The following PML variants were observed in gnomAD, a reference collection of about 807,000 sequenced individuals.
PML encodes the protein PML nuclear body scaffold.
In PML, 28 loss-of-function variants were observed where a neutral mutation model predicts 65.2. The observed-to-expected ratio is 0.43, with a 90% confidence interval of 0.32 to 0.59. The LOEUF is 0.59. PML is among the 20% of genes least tolerant of loss of function. The probability of loss-of-function intolerance (pLI) is 0.08; values close to 1 mark genes in which losing one functional copy is unlikely to be tolerated. For missense variants in PML, 1,021 were observed against 1,203.4 expected, an observed-to-expected ratio of 0.85 and a Z score of 2.24; for synonymous variants, 500 against 508.8, an observed-to-expected ratio of 0.98 and a Z score of 0.23.
At chr15:74,022,765 C>G (rs189842790) in intron 2 of PML, 63 bp from the exon 3 acceptor site, 1 of 1,302,322 alleles carries the variant, frequency 7.7e-7, no homozygotes, top group Non-Finnish European at 1.1e-6. Context: ...AATTTAATAA[C>G]GAACGTTTTA....
chr15:74,032,496 C>T lies in PML; in HGVS notation c.1255-76C>T, dbSNP rs1567135220. ...ACTTGGTGAGGCCCCAGGGATTAGGCCAACCACAGGTCTGGGGTACCTGGC... is the reference window on the plus strand; with the variant it reads ...ACTTGGTGAGGCCCCAGGGATTAGGTCAACCACAGGTCTGGGGTACCTGGC... On this transcript the variant is annotated intron_variant, in intron 4 of 8. Transcript: ENST00000268058. 3.2e-6 allele frequency: 5 copies of T among 1,543,398 alleles called. No individual in the cohort carries two copies. In the East Asian group the frequency reaches 1.1e-4, roughly 35 times the overall value.
intron 4 of PML, among the ~76,000 whole-genome samples, chr15:74,029,139 C>T (rs982558810): frequency 1.2e-4 from 19 of 152,072 alleles, no homozygotes; most frequent in Admixed American, 5.9e-4. Flanking sequence ...GTAAAAGTTT[C>T]GACTTCTCTA....
chr15:74,017,853 CA>C lies in PML; in HGVS notation c.603-4974del, dbSNP rs376334324. Among the ~76,000 whole-genome samples the C allele has an allele frequency of 4.7e-4, 72 of 152,210 alleles. 1 individual carries two copies. The highest frequency in any genetic ancestry group is 1.8e-3 in the Admixed American group (28 of 15,292). On this transcript the variant is annotated intron_variant, in intron 2 of 8. Transcript: ENST00000268058. ...CACTGATTCCTCAAACATTTCTTAG[CA>C]GCTGGTCATAGTGGCTTAGGCCTGA... is the stretch of plus-strand genomic sequence containing the variant.
chr15:74,032,484 C>T, intron 4 of PML, 88 bp from the exon 5 acceptor site: 4 of 1,458,992 alleles, frequency 2.7e-6, no homozygotes, highest in Admixed American at 3.4e-5. Context: ...TGGTGAGGCC[C>T]CAGGGATTAG....
At position 74,043,281 on chromosome 15, in the gene PML, C is replaced by T. The variant is rs544478159; in HGVS notation, c.1861+142C>T. ...TGCAGCCAGGCTGGGCAGAGCACTC[C>T]GGCTCACCTGGGCTCCTGGCGTGTC... On this transcript the variant is annotated intron_variant, in intron 8 of 8. Coordinates refer to ENST00000268058, the MANE Select transcript of PML (RefSeq NM_033238.3). The surrounding 1 kb of genome is among the most constrained non-coding windows in gnomAD (Gnocchi z 4.3). 2,495 of 1,546,360 alleles carry T rather than the reference C, an allele frequency of 1.6e-3. 4 individuals carry two copies. Among genetic ancestry groups the T allele is most frequent in the Non-Finnish European group, 2.0e-3 (2,256 of 1,150,162 alleles).
At chr15:74,015,695 C>T (rs1414226970) in intron 2 of PML, among the ~76,000 whole-genome samples, 2 of 152,238 alleles carry the variant, frequency 1.3e-5, no homozygotes, top group Admixed American at 6.5e-5. Context: ...GTAATACCCC[C>T]TCTTCTTTCA....
intron 2 of PML, among the ~76,000 whole-genome samples, chr15:74,022,155 C>G (rs1169763930): frequency 6.6e-6 from 1 of 152,190 alleles, no homozygotes; most frequent in Non-Finnish European, 1.5e-5. Flanking sequence ...CGGGGTTTCT[C>G]CATGTTGGTC....
rs866545458 is a variant in PML at position 74,037,600 on chromosome 15, G to A, written c.1710+3070G>A. 4.1e-6 allele frequency: 4 copies of A among 985,046 alleles called. No individual in the cohort carries two copies. The highest frequency in any genetic ancestry group is 6.2e-5 in the Admixed American group (1 of 16,238). 61.0% of individuals were successfully genotyped at this position (985,046 alleles called of 1,614,324 possible). A position where few individuals can be genotyped will look rare whatever the true frequency, so the allele number is the denominator to read the frequency against. ...GCCCCTTCTTCACCCCACCTCCTGCGCTTCCCCGCCAGTACCAGGGTGGCC... is the reference window on the plus strand; with the variant it reads ...GCCCCTTCTTCACCCCACCTCCTGCACTTCCCCGCCAGTACCAGGGTGGCC... On this transcript the variant is annotated intron_variant, in intron 7 of 8. Transcript: ENST00000268058. The surrounding 1 kb of genome is among the most constrained non-coding windows in gnomAD (Gnocchi z 4.2).
At position 74,035,480 on chromosome 15, in the gene PML, CTTGCACCCTCAA is replaced by C. The variant is rs771223791; in HGVS notation, c.1710+956_1710+967del. On this transcript the variant is annotated intron_variant, in intron 7 of 8. Transcript: ENST00000268058. This position sits in a 1 kb window ranked among gnomAD's most constrained non-coding sequence, Gnocchi z 4.1. ...CCATCCGCCTTCGCCATGCCCTCCG[CTTGCACCCTCAA>C]TTGCATCGGGCCCCTATTCGGACTT... 6 of 1,612,570 alleles carry C rather than the reference CTTGCACCCTCAA, an allele frequency of 3.7e-6. No homozygotes were observed. The South Asian group carries it at 6.6e-5, about 18-fold the overall frequency.
chr15:74,032,782 C>T (rs1051884582), intron 5 of PML, 67 bp downstream of exon 5: 2 of 1,541,850 alleles, frequency 1.3e-6, no homozygotes, highest in African/African-American at 2.7e-5. Context: ...AGTGAGCTGG[C>T]ACTGGGGTGG....
intron 2 of PML, among the ~76,000 whole-genome samples, chr15:74,019,161 C>T (rs2070727424): frequency 6.6e-6 from 1 of 152,144 alleles, no homozygotes; most frequent in South Asian, 2.1e-4. Flanking sequence ...AGGGGCCAGT[C>T]ACCCTAGGGA....
chr15:74,033,051 A>G, intron 5 of PML, 105 bp from the exon 6 acceptor site: 1 of 1,220,734 alleles, frequency 8.2e-7, no homozygotes, highest in Admixed American at 1.7e-5. Context: ...AGGAGAGGGG[A>G]CAGCAGGAGC....
rs1306604077 is a variant in PML at position 74,044,400 on chromosome 15, G to C, written c.2041G>C (p.Gly681Arg). 2 of 1,614,186 alleles carry C rather than the reference G, an allele frequency of 1.2e-6. No individual in the cohort carries two copies. Among genetic ancestry groups the C allele is most frequent in the Middle Eastern group, 1.6e-4 (1 of 6,062 alleles). ...TATCTTGGCCTGCTACAAGCTGTGG[G>C]GGCCTGGCCTCCCAAACTTCTTCCG... is the stretch of plus-strand genomic sequence containing the variant. ...RPILACYKLW[G>R]PGLPNFFRAL... The change falls in exon 9 of 9, where the codon GGG becomes CGG. Residue 681 changes from glycine (G) to arginine (R), a missense_variant. Gly to Arg is a moderately radical substitution (Grantham distance 125, BLOSUM62 -2). Coordinates refer to ENST00000268058, the MANE Select transcript of PML (RefSeq NM_033238.3).
In PML at chr15:74,035,397, C is replaced by G. The variant is rs2071503160; in HGVS notation, c.1710+867C>G. 3 of 1,611,898 alleles carry G rather than the reference C, an allele frequency of 1.9e-6. No homozygotes were observed. The highest frequency in any genetic ancestry group is 2.7e-5 in the African/African-American group (2 of 75,026). On this transcript the variant is annotated intron_variant, in intron 7 of 8. Transcript: ENST00000268058. The surrounding 1 kb of genome is among the most constrained non-coding windows in gnomAD (Gnocchi z 4.1). ...GCCTCACAGCGAGCCTCCTGATCAC[C>G]AGGAGCGCCCTGCCGTCCACCGTGG... is the stretch of plus-strand genomic sequence containing the variant.
Position 74,034,880 on chromosome 15 carries a change from T to C in PML, c.1710+350T>C, listed in dbSNP as rs946334002. 14 of 1,437,654 alleles carry C rather than the reference T, an allele frequency of 9.7e-6. 2 individuals carry two copies. Among genetic ancestry groups the C allele is most frequent in the Admixed American group, 5.7e-5 (2 of 35,198 alleles). The allele number at this position is 1,437,654 out of a possible 1,614,324, so 89.1% of individuals were successfully genotyped here. ...GAGGGCTGGACAAGAATCCATTCCT[T>C]GGTTTATTACAGCCAGTGGGGGCCA... On this transcript the variant is annotated intron_variant, in intron 7 of 8. Transcript: ENST00000268058.
At chr15:74,008,351 C>G (rs1440803922) in intron 2 of PML, among the ~76,000 whole-genome samples, 1 of 152,192 alleles carries the variant, frequency 6.6e-6, no homozygotes, top group Non-Finnish European at 1.5e-5. Flanking sequence ...TCAGCTTTCT[C>G]CTTTGTCATG....
intron 7 of PML, among the ~76,000 whole-genome samples, chr15:74,040,951 T>A (rs984878321): frequency 2.0e-5 from 3 of 152,152 alleles, no homozygotes; most frequent in Non-Finnish European, 2.9e-5. Context: ...TAAATGACCC[T>A]GCTGTAACGA....
intron 2 of PML, among the ~76,000 whole-genome samples, chr15:74,012,122 C>T (rs947760570): frequency 3.4e-5 from 5 of 145,630 alleles, no homozygotes; most frequent in Non-Finnish European, 6.0e-5. Flanking sequence ...AAAATATTTT[C>T]CTAAAAGGTC....
intron 7 of PML, among the ~76,000 whole-genome samples, chr15:74,038,558 T>TC (rs1192160439): frequency 6.6e-6 from 1 of 151,890 alleles, no homozygotes; most frequent in East Asian, 1.9e-4. Flanking sequence ...ACAAATTAGG[T>TC]CCCCCCTATG....
Sources: gnomAD v4.1 joint callset for allele counts (sites outside exome capture counted in the v4.1 genomes callset) on GRCh38, gnomAD v4.1.1 for gene constraint, Gnocchi (gnomAD v3.1) non-coding constraint, MANE v1.5 for transcripts, NCBI Gene and HGNC (gene_info 2026-07-23, HGNC 2026-07-21) for gene names.